FNDC3A: variants seen among roughly 807,000 people sequenced by gnomAD.
The protein encoded by FNDC3A is fibronectin type III domain containing 3A.
FNDC3A carries 32 observed loss-of-function variants against 148.9 expected under a neutral mutation model. That is an observed-to-expected ratio of 0.21 (90% CI 0.16 to 0.29). The LOEUF is 0.29. Ranked by LOEUF, FNDC3A falls within the 10% of genes least tolerant of loss-of-function variation. The probability of loss-of-function intolerance (pLI) is 1.00; values close to 1 mark genes in which losing one functional copy is unlikely to be tolerated. For missense variants in FNDC3A, 1,191 were observed against 1,452.8 expected (o/e 0.82, Z 2.93); for synonymous variants, 472 against 473.6 (o/e 1.00, Z 0.04).
intron 8 of FNDC3A, among the ~76,000 whole-genome samples, chr13:49,160,861 C>A (rs1884058668): frequency 6.6e-6 from 1 of 151,766 alleles, no homozygotes; most frequent in African/African-American, 2.4e-5. Flanking sequence ...TTATTTCTGC[C>A]TTCATTTCGT....
chr13:49,179,762 G>A (rs1240365431), intron 14 of FNDC3A, among the ~76,000 whole-genome samples: 1 of 152,138 alleles, frequency 6.6e-6, no homozygotes, highest in East Asian at 1.9e-4. Context: ...CTTTTGACAT[G>A]TCTCTCATTC....
rs115769090 is a variant in FNDC3A at position 49,011,524 on chromosome 13, G to A, written c.99+5235G>A. Reference sequence around the variant, plus strand: ...GCTGGGATTACATGCGTGAGCCACCGGCGGCTGGCATCTTTGGTATCTTTT... The same window carrying A: ...GCTGGGATTACATGCGTGAGCCACCAGCGGCTGGCATCTTTGGTATCTTTT... On this transcript the variant is annotated intron_variant, in intron 2 of 25. Transcript: ENST00000492622. Among the ~76,000 whole-genome samples, 1,469 of 152,212 alleles carry A rather than the reference G, an allele frequency of 9.7e-3. 15 individuals are homozygous for A. The highest frequency in any genetic ancestry group is 0.023 in the African/African-American group (949 of 41,528).
intron 2 of FNDC3A, among the ~76,000 whole-genome samples, chr13:49,053,952 C>G (rs1187572043): frequency 6.6e-6 from 1 of 152,158 alleles, no homozygotes; most frequent in Non-Finnish European, 1.5e-5. Context: ...TCTTCCAGGG[C>G]TCTGCTGTCA....
At chr13:49,172,689 T>G (rs893181790) in intron 11 of FNDC3A, among the ~76,000 whole-genome samples, 2 of 152,218 alleles carry the variant, frequency 1.3e-5, no homozygotes, top group African/African-American at 4.8e-5. Flanking sequence ...TGATTCCATG[T>G]AGGGTCTATT....
chr13:49,118,387 A>T (rs543857729), intron 4 of FNDC3A, among the ~76,000 whole-genome samples: 1 of 152,142 alleles, frequency 6.6e-6, no homozygotes, highest in African/African-American at 2.4e-5. Context: ...TTCGGTGCCT[A>T]TACCACCAGG....
At position 49,207,317 on chromosome 13, in the gene FNDC3A, T is replaced by C. The variant is rs138623558; in HGVS notation, c.3519T>C (p.Cys1173=). ...GACGGGCACTGAGTGACGAGCAGTG[T>C]GCTGCCGTCATCCTTGTGCTGTTTG... is the stretch of plus-strand genomic sequence containing the variant. ...RTRRALSDEQ[C]AAVILVLFAF... Residue 1173 remains cysteine (C), a synonymous_variant, in exon 26 of 26, where the codon TGT becomes TGC. Transcript: ENST00000492622. 51 of 1,613,872 alleles carry C rather than the reference T, an allele frequency of 3.2e-5. No homozygotes were observed. The African/African-American group carries it at 5.5e-4, about 17-fold the overall frequency.
intron 10 of FNDC3A, 48 bp from the exon 11 acceptor site, chr13:49,171,995 A>G: frequency 7.8e-7 from 1 of 1,277,586 alleles, no homozygotes; most frequent in Non-Finnish European, 1.1e-6. Context: ...AGTATCATTT[A>G]TGAATGTACT....
chr13:49,031,595 A>C (rs1189177244), intron 2 of FNDC3A, among the ~76,000 whole-genome samples: 1 of 152,166 alleles, frequency 6.6e-6, no homozygotes, highest in Non-Finnish European at 1.5e-5. Flanking sequence ...AAAAGTATGA[A>C]ATAGGACCTA....
intron 2 of FNDC3A, among the ~76,000 whole-genome samples, chr13:49,017,399 T>A (rs1056963425): frequency 1.3e-5 from 2 of 152,182 alleles, no homozygotes; most frequent in Non-Finnish European, 2.9e-5. Flanking sequence ...TTTAAAGTCG[T>A]TTTATTAGAT....
intron 2 of FNDC3A, among the ~76,000 whole-genome samples, chr13:49,008,507 C>T (rs575764629): frequency 6.6e-6 from 1 of 152,212 alleles, no homozygotes; most frequent in East Asian, 1.9e-4. Flanking sequence ...CATATTTTGT[C>T]CCTTGTCTTG....
At chr13:49,130,504 T>C (rs961425573) in intron 4 of FNDC3A, among the ~76,000 whole-genome samples, 4 of 152,178 alleles carry the variant, frequency 2.6e-5, no homozygotes, top group Admixed American at 6.5e-5. Context: ...AATTGATTCC[T>C]GAACCTCTTG....
At position 49,203,178 on chromosome 13, in the gene FNDC3A, A is replaced by G. The variant is rs968873476; in HGVS notation, c.3176A>G (p.Asn1059Ser). The change falls in exon 25 of 26, where the codon AAT (asparagine) becomes AGT (serine). Residue 1059 changes from asparagine to serine, a missense_variant. Transcript: ENST00000492622. ...ACAGCCCCCAAAATAGAGAAAGTAA[A>G]TGATCACATTTGTGAAATTACATGG... The part of the protein sequence containing the change: ...ALKAPKIEKV[N>S]DHICEITWEC... 2 of 1,601,948 alleles carry G rather than the reference A, an allele frequency of 1.2e-6. No individual in the cohort carries two copies. The highest frequency in any genetic ancestry group is 1.3e-5 in the African/African-American group (1 of 74,608).
At chr13:49,074,027 A>G (rs2137776640) in intron 2 of FNDC3A, among the ~76,000 whole-genome samples, 1 of 152,058 alleles carries the variant, frequency 6.6e-6, no homozygotes, top group South Asian at 2.1e-4. Flanking sequence ...AATGTAGTAA[A>G]AGGGTGTTCT....
At chr13:49,142,510 C>T (rs1411874512) in intron 7 of FNDC3A, among the ~76,000 whole-genome samples, 1 of 152,208 alleles carries the variant, frequency 6.6e-6, no homozygotes, top group African/African-American at 2.4e-5. Flanking sequence ...ACTCCACATA[C>T]ACACACAATT....
Position 49,012,877 on chromosome 13 carries a change from T to A in FNDC3A, c.99+6588T>A, listed in dbSNP as rs1175210270. Among the ~76,000 whole-genome samples, 7 of 150,070 alleles carry A rather than the reference T, an allele frequency of 4.7e-5. No individual in the cohort carries two copies. The East Asian group carries it at 1.4e-3, about 30-fold the overall frequency. On this transcript the variant is annotated intron_variant, in intron 2 of 25. Transcript: ENST00000492622. ...TTCCTGGTGAGTTAGAAATACAGTT[T>A]ATTTTTGTATATTGCTTCAATATCC...
intron 7 of FNDC3A, among the ~76,000 whole-genome samples, chr13:49,142,129 A>G (rs942893455): frequency 1.3e-5 from 2 of 152,194 alleles, no homozygotes; most frequent in African/African-American, 4.8e-5. Context: ...TTACTTCCAA[A>G]TCTATATTTT....
intron 2 of FNDC3A, among the ~76,000 whole-genome samples, chr13:49,053,867 C>T (rs971635264): frequency 6.6e-6 from 1 of 152,240 alleles, no homozygotes; most frequent in East Asian, 1.9e-4. Context: ...GTAAATTTCC[C>T]CCACAACAGA....
chr13:49,068,933 A>T (rs1002992923), intron 2 of FNDC3A, among the ~76,000 whole-genome samples: 3 of 152,242 alleles, frequency 2.0e-5, no homozygotes, highest in Non-Finnish European at 4.4e-5. Flanking sequence ...GAAGAGGAGT[A>T]GGAAAAAATA....
chr13:49,030,599 G>A (rs1235036717), intron 2 of FNDC3A, among the ~76,000 whole-genome samples: 2 of 152,110 alleles, frequency 1.3e-5, no homozygotes, highest in African/African-American at 4.8e-5. Flanking sequence ...ACATGATCTT[G>A]TAAAAAGAAA....
Sources: allele counts gnomAD v4.1 joint callset (sites outside exome capture counted in the v4.1 genomes callset), GRCh38; gene constraint gnomAD v4.1.1; transcripts MANE v1.5; gene names NCBI Gene and HGNC (gene_info 2026-07-23, HGNC 2026-07-21).